Variants in TLN2 observed in about 807,000 individuals in gnomAD.
TLN2 encodes the protein talin 2.
A neutral mutation model predicts 294.7 loss-of-function variants in TLN2; 118 were observed. The ratio of observed to expected loss-of-function variants is 0.40; its 90% CI spans 0.34 to 0.47. The LOEUF is 0.47. TLN2 is among the 20% of genes least tolerant of loss of function. The pLI is 0.84. For synonymous variants in TLN2, 1,431 were observed against 1,304.5 expected, an observed-to-expected ratio of 1.10 and a Z score of -2.09; for missense variants, 3,083 against 3,282.2, an observed-to-expected ratio of 0.94 and a Z score of 1.48.
chr15:62,676,646 ACT>A (rs1236016898), intron 11 of TLN2, among the ~76,000 whole-genome samples: 1 of 152,142 alleles, frequency 6.6e-6, no homozygotes, highest in Non-Finnish European at 1.5e-5. Flanking sequence ...ACGGAGTCTC[ACT>A]CTGTCGCCCA....
chr15:62,723,254 A>C (rs989518611), intron 26 of TLN2, among the ~76,000 whole-genome samples: 2 of 152,242 alleles, frequency 1.3e-5, no homozygotes, highest in African/African-American at 4.8e-5. Context: ...ACTATAGCCA[A>C]TAAAAAAGTT....
chr15:62,607,023 G>A (rs145801102), intron 2 of TLN2, among the ~76,000 whole-genome samples: 35 of 152,146 alleles, frequency 2.3e-4, no homozygotes, highest in Middle Eastern at 3.4e-3. Flanking sequence ...GTAGTCTTCC[G>A]CCCCTTCCTC....
At chr15:62,828,442 AG>A (rs1288850105) in intron 54 of TLN2, 1 of 152,270 alleles carries the variant, frequency 6.6e-6, no homozygotes, top group East Asian at 1.9e-4. Context: ...TTCATTAGGC[AG>A]AGTAGAAGCT....
intron 2 of TLN2, among the ~76,000 whole-genome samples, chr15:62,603,647 C>T (rs571554000): frequency 9.2e-5 from 14 of 152,218 alleles, no homozygotes; most frequent in Admixed American, 8.5e-4. Flanking sequence ...AATGTATATA[C>T]GAGGTGACTC....
intron 57 of TLN2, 43 bp downstream of exon 57, chr15:62,836,116 C>T (rs200933473): frequency 1.7e-5 from 27 of 1,561,270 alleles, no homozygotes; most frequent in Admixed American, 1.1e-4. Context: ...CCTGTTGGAG[C>T]GGGTAAGTGT....
chr15:62,823,219 G>C (rs752237425), intron 54 of TLN2, among the ~76,000 whole-genome samples: 1 of 152,184 alleles, frequency 6.6e-6, no homozygotes, highest in Non-Finnish European at 1.5e-5. Context: ...GGCCAGAGGT[G>C]GATATTATCT....
intron 57 of TLN2, 94 bp downstream of exon 57, chr15:62,836,167 C>T: frequency 6.7e-7 from 1 of 1,503,078 alleles, no homozygotes; most frequent in Non-Finnish European, 8.9e-7. Flanking sequence ...CATGACCCAC[C>T]AGGCCTTCCA....
At chr15:62,424,290 C>T (rs1430779400) in intron 1 of TLN2, among the ~76,000 whole-genome samples, 1 of 152,152 alleles carries the variant, frequency 6.6e-6, no homozygotes, top group African/African-American at 2.4e-5. Context: ...CCTTTGAGGG[C>T]CATGGATGAA....
chr15:62,451,416 G>T (rs1178752675), intron 1 of TLN2, among the ~76,000 whole-genome samples: 1 of 152,192 alleles, frequency 6.6e-6, no homozygotes, highest in African/African-American at 2.4e-5. Flanking sequence ...CAGCACTTTG[G>T]GAGGCCGAGG....
In TLN2 at chr15:62,820,531, CAG is replaced by C. The variant is rs1425949900; in HGVS notation, c.6926_6927del (p.Glu2309ValfsTer13). Reference sequence around the variant, plus strand: ...GAAGACCCAACTGTCATTGCAGAAACAGAGTTACTGGGGGCTGCAGCATCCAT... The same window carrying C: ...GAAGACCCAACTGTCATTGCAGAAACAGTTACTGGGGGCTGCAGCATCCAT... On this transcript the variant is annotated frameshift_variant, in exon 54 of 59. Transcript: ENST00000636159. LOFTEE classifies it high-confidence loss of function. 5 of 1,613,972 alleles carry C rather than the reference CAG, an allele frequency of 3.1e-6. No homozygotes were observed. Among genetic ancestry groups the C allele is most frequent in the Non-Finnish European group, 4.2e-6 (5 of 1,179,928 alleles).
chr15:62,411,067 G>A (rs1255347962), intron 1 of TLN2, among the ~76,000 whole-genome samples: 1 of 152,208 alleles, frequency 6.6e-6, no homozygotes, highest in Non-Finnish European at 1.5e-5. Context: ...TGTCTACCAA[G>A]TGCATGGTGG....
chr15:62,407,369 G>A (rs1333329133), intron 1 of TLN2, among the ~76,000 whole-genome samples: 1 of 152,132 alleles, frequency 6.6e-6, no homozygotes, highest in Non-Finnish European at 1.5e-5. Context: ...ACCTTGATAT[G>A]CATAAGAATC....
chr15:62,495,979 A>T (rs1054281057), intron 1 of TLN2, among the ~76,000 whole-genome samples: 1 of 152,130 alleles, frequency 6.6e-6, no homozygotes, highest in African/African-American at 2.4e-5. Flanking sequence ...AAACAAAAAA[A>T]CCTTCTGTTT....
chr15:62,564,050 T>A (rs1323860184), intron 1 of TLN2, among the ~76,000 whole-genome samples: 1 of 152,174 alleles, frequency 6.6e-6, no homozygotes, highest in East Asian at 1.9e-4. Flanking sequence ...TTTTCTTCCT[T>A]AAATAATGAG....
In TLN2 at chr15:62,702,649, C is replaced by T. The variant is rs913210797; in HGVS notation, c.1906-117C>T. ...TCTATCTGGCAGACCACCTGAGATT[C>T]TCACTGTCAGACAAAGGGAGCAAAT... On this transcript the variant is annotated intron_variant, in intron 18 of 58. Coordinates refer to ENST00000636159, the MANE Select transcript of TLN2 (RefSeq NM_015059.3). 5.2e-6 allele frequency: 5 copies of T among 961,414 alleles called. No homozygotes were observed. The Admixed American group carries it at 9.9e-5, about 19-fold the overall frequency. 59.6% of individuals were successfully genotyped at this position (961,414 alleles called of 1,614,324 possible). A position where few individuals can be genotyped will look rare whatever the true frequency, so the allele number is the denominator to read the frequency against.
At chr15:62,703,392 G>A (rs942416523) in intron 19 of TLN2, among the ~76,000 whole-genome samples, 7 of 152,050 alleles carry the variant, frequency 4.6e-5, no homozygotes, top group African/African-American at 1.7e-4. Flanking sequence ...GAGCCACCGC[G>A]CCTGGCCGTG....
chr15:62,826,638 A>T (rs12595365), intron 54 of TLN2, among the ~76,000 whole-genome samples: 2 of 151,884 alleles, frequency 1.3e-5, no homozygotes, highest in African/African-American at 4.8e-5. Flanking sequence ...GGGGCTTTGC[A>T]TACAGGCTAA....
At chr15:62,434,228 A>G (rs1161347303) in intron 1 of TLN2, among the ~76,000 whole-genome samples, 1 of 152,192 alleles carries the variant, frequency 6.6e-6, no homozygotes, top group South Asian at 2.1e-4. Context: ...TGGTCTATGT[A>G]TATGTGTCTT....
intron 3 of TLN2, chr15:62,637,608 G>C (rs1465571215): frequency 6.6e-6 from 1 of 152,230 alleles, no homozygotes; most frequent in Admixed American, 6.5e-5. Context: ...TAGCTTTCCA[G>C]CCTATTGATC....
Sources: allele counts gnomAD v4.1 joint callset (sites outside exome capture counted in the v4.1 genomes callset), GRCh38; gene constraint gnomAD v4.1.1; transcripts MANE v1.5; gene names NCBI Gene and HGNC (gene_info 2026-07-23, HGNC 2026-07-21).